Variants in COG2 observed in about 807,000 individuals in gnomAD.
COG2 encodes component of oligomeric golgi complex 2.
A neutral mutation model predicts 90.6 loss-of-function variants in COG2; 52 were observed. That is an observed-to-expected ratio of 0.57 (90% CI 0.46 to 0.72). The LOEUF is 0.72. Among genes scored for constraint, COG2 ranks in the 30% least tolerant of loss-of-function variants. The pLI is 0.00. For missense variants in COG2, 829 were observed against 891.2 expected, an observed-to-expected ratio of 0.93 and a Z score of 0.89; for synonymous variants, 337 against 320.4, an observed-to-expected ratio of 1.05 and a Z score of -0.55.
intron 8 of COG2, among the ~76,000 whole-genome samples, chr1:230,672,566 C>T (rs1662476257): frequency 6.6e-6 from 1 of 152,110 alleles, no homozygotes; most frequent in South Asian, 2.1e-4. Flanking sequence ...CGTAGTGGCT[C>T]ACACCTGTGA....
chr1:230,670,416 ATT>A (rs1273511880), intron 7 of COG2: 1 of 152,190 alleles, frequency 6.6e-6, no homozygotes, highest in African/African-American at 2.4e-5. Context: ...AAAGTCTTTT[ATT>A]TTTTAAAGTG....
In COG2 at chr1:230,688,579, G is replaced by C. The variant is rs773944399; in HGVS notation, c.1794+17G>C. ...ACCAATAAGGTCAGCGCCATTTATG[G>C]GAGAGAATTTTGAGGTGGGGAAGTG... is the stretch of plus-strand genomic sequence containing the variant. On this transcript the variant is annotated intron_variant, in intron 15 of 17. Transcript: ENST00000366669. The C allele has an allele frequency of 5.6e-6, 9 of 1,613,260 alleles. No homozygotes were observed. The highest frequency in any genetic ancestry group is 7.6e-6 in the Non-Finnish European group (9 of 1,179,546).
At position 230,669,361 on chromosome 1, in the gene COG2, A is replaced by C. The variant is rs2102757785; in HGVS notation, c.600A>C (p.Ile200=). 1.2e-6 allele frequency: 2 copies of C among 1,612,192 alleles called. No individual in the cohort carries two copies. Among genetic ancestry groups the C allele is most frequent in the South Asian group, 1.1e-5 (1 of 90,902 alleles). The change falls in exon 7 of 18, where the codon ATA becomes ATC. Residue 200 remains isoleucine (I), a synonymous_variant. Coordinates refer to ENST00000366669, the MANE Select transcript of COG2 (RefSeq NM_007357.3). ...TTACCCACCTTTTCTTGCAGCGTAT[A>C]GCTGGCATTACAGCCATGTTACAGC... ...MPLLDKVRPR[I]AGITAMLQQS... is the part of the protein sequence containing the mutation.
At chr1:230,666,059 C>G (rs1558272473) in intron 5 of COG2, among the ~76,000 whole-genome samples, 2 of 152,148 alleles carry the variant, frequency 1.3e-5, no homozygotes, top group African/African-American at 4.8e-5. Context: ...ATGCTGATCT[C>G]TTTATCTGCA....
At chr1:230,642,700 C>T (rs1279487646) in intron 1 of COG2, 22 bp downstream of exon 1, 14 of 1,606,214 alleles carry the variant, frequency 8.7e-6, no homozygotes, top group African/African-American at 1.3e-5. Context: ...GTCCGCTCCC[C>T]GGAGCCGGGC....
chr1:230,686,930 T>C lies in COG2; in HGVS notation c.1381-5T>C. The C allele has an allele frequency of 6.6e-7, 1 of 1,505,904 alleles. No homozygotes were observed. The highest frequency in any genetic ancestry group is 8.9e-7 in the Non-Finnish European group (1 of 1,121,474). The allele number at this position is 1,505,904 out of a possible 1,614,324, so 93.3% of individuals were successfully genotyped here. ...AAGTAGTTAATCAGTGAAATCCTTTTTCAGCTTTCACTCAGGCCCATTTCT... is the reference window on the plus strand; with the variant it reads ...AAGTAGTTAATCAGTGAAATCCTTTCTCAGCTTTCACTCAGGCCCATTTCT... On this transcript the variant is annotated splice_polypyrimidine_tract_variant and splice_region_variant and intron_variant, in intron 12 of 17. Coordinates refer to ENST00000366669, the MANE Select transcript of COG2 (RefSeq NM_007357.3).
At chr1:230,685,030 A>G (rs1444481693) in intron 11 of COG2, 55 bp from the exon 12 acceptor site, 4 of 1,580,902 alleles carry the variant, frequency 2.5e-6, no homozygotes, top group Non-Finnish European at 3.4e-6. Flanking sequence ...ATTAGACTAT[A>G]GCCTAAAATT....
At chr1:230,679,203 A>G (rs1427416647) in intron 10 of COG2, 151 bp downstream of exon 10, 3 of 742,730 alleles carry the variant, frequency 4.0e-6, no homozygotes, top group Non-Finnish European at 6.2e-6. Context: ...AAGAGATATA[A>G]GAAGTATTAT....
At position 230,642,550 on chromosome 1, in the gene COG2, G is replaced by C. The variant is rs1192764150; in HGVS notation, c.-57G>C. On this transcript the variant is annotated 5_prime_UTR_variant, in exon 1 of 18. Transcript: ENST00000366669. Reference sequence around the variant, plus strand: ...GGCCGCGGCCGCCGAGTCGGTCTGCGCAGCCTCCTGCGTTTTCTCGCTTGG... The same window carrying C: ...GGCCGCGGCCGCCGAGTCGGTCTGCCCAGCCTCCTGCGTTTTCTCGCTTGG... 2 of 1,554,908 alleles carry C rather than the reference G, an allele frequency of 1.3e-6. No homozygotes were observed. The highest frequency in any genetic ancestry group is 1.4e-5 in the African/African-American group (1 of 73,762).
intron 1 of COG2, among the ~76,000 whole-genome samples, chr1:230,643,310 C>T (rs958901234): frequency 1.3e-5 from 2 of 152,216 alleles, no homozygotes; most frequent in Non-Finnish European, 2.9e-5. Flanking sequence ...ACTGAAAACA[C>T]TTCACTGATG....
chr1:230,664,606 A>ATAAC lies in COG2; in HGVS notation c.485+21_485+24dup. 8.0e-7 allele frequency: 1 copy of ATAAC among 1,244,626 alleles called. No homozygotes were observed. Among genetic ancestry groups the ATAAC allele is most frequent in the Non-Finnish European group, 1.1e-6 (1 of 877,772 alleles). 77.1% of individuals were successfully genotyped at this position (1,244,626 alleles called of 1,614,324 possible). A position where few individuals can be genotyped will look rare whatever the true frequency, so the allele number is the denominator to read the frequency against. ...CAAGCAGGTAAGTATTTTTTATTAA[A>ATAAC]TAACTCGTAAATTAATACTTCACAT... On this transcript the variant is annotated intron_variant, in intron 5 of 17. Transcript: ENST00000366669.
At chr1:230,688,625 G>C in intron 15 of COG2, 63 bp downstream of exon 15, 1 of 1,528,626 alleles carries the variant, frequency 6.5e-7, no homozygotes, top group Admixed American at 1.7e-5. Context: ...AAGCCAAAGA[G>C]GAAGGAAGGA....
At chr1:230,655,184 A>G (rs1409613038) in intron 1 of COG2, among the ~76,000 whole-genome samples, 1 of 152,246 alleles carries the variant, frequency 6.6e-6, no homozygotes, top group South Asian at 2.1e-4. Flanking sequence ...CCAGTTTTCA[A>G]AGGGAATGCT....
At chr1:230,671,425 T>C in intron 7 of COG2, 91 bp from the exon 8 acceptor site, 3 of 1,181,648 alleles carry the variant, frequency 2.5e-6, no homozygotes, top group Non-Finnish European at 3.6e-6. Context: ...GGAAGCAGAT[T>C]TGTAAAGTTT....
At chr1:230,673,728 T>A (rs1243629922) in intron 8 of COG2, among the ~76,000 whole-genome samples, 1 of 152,128 alleles carries the variant, frequency 6.6e-6, no homozygotes, top group East Asian at 1.9e-4. Flanking sequence ...TGGGAGGCAG[T>A]CATCTTCTTT....
chr1:230,644,853 C>T (rs763241712), intron 1 of COG2, among the ~76,000 whole-genome samples: 8 of 151,970 alleles, frequency 5.3e-5, no homozygotes, highest in African/African-American at 1.5e-4. Context: ...TGACTGGTGG[C>T]GGGAGGCTAC....
At chr1:230,690,349 T>C (rs1236630345) in intron 16 of COG2, 196 bp downstream of exon 16, 5 of 486,722 alleles carry the variant, frequency 1.0e-5, no homozygotes, top group African/African-American at 2.0e-5. Context: ...TGGGCTGGCT[T>C]CCTCTGCCTG....
At chr1:230,663,681 A>C (rs890720311) in intron 4 of COG2, among the ~76,000 whole-genome samples, 1 of 152,188 alleles carries the variant, frequency 6.6e-6, no homozygotes, top group Non-Finnish European at 1.5e-5. Context: ...TTAATGAATG[A>C]CTTAATTTTT....
intron 8 of COG2, among the ~76,000 whole-genome samples, chr1:230,674,132 C>T (rs994960759): frequency 6.6e-6 from 1 of 152,176 alleles, no homozygotes; most frequent in Non-Finnish European, 1.5e-5. Context: ...TTGTGAGCGA[C>T]TTAAGGAATC....
Sources: allele counts gnomAD v4.1 joint callset (sites outside exome capture counted in the v4.1 genomes callset), GRCh38; gene constraint gnomAD v4.1.1; transcripts MANE v1.5; gene names NCBI Gene and HGNC (gene_info 2026-07-23, HGNC 2026-07-21).